DAB1: variants seen among roughly 807,000 people sequenced by gnomAD.
DAB1 encodes the protein disabled homolog 1.
A neutral mutation model predicts 64.6 loss-of-function variants in DAB1; 15 were observed. The observed-to-expected ratio is 0.23, with a 90% CI of 0.16 to 0.36. The LOEUF (loss-of-function observed/expected upper bound fraction) is 0.36, where lower values mean the gene tolerates loss of function less well. Among genes scored for constraint, DAB1 ranks in the 10% least tolerant of loss-of-function variants. DAB1 has a pLI of 1.00. For synonymous variants in DAB1, 235 were observed against 251.9 expected, an observed-to-expected ratio of 0.93 and a Z score of 0.64; for missense variants, 596 against 706.7, an observed-to-expected ratio of 0.84 and a Z score of 1.78.
At chr1:57,185,556 T>C (rs1458016832) in intron 2 of DAB1, among the ~76,000 whole-genome samples, 2 of 151,926 alleles carry the variant, frequency 1.3e-5, no homozygotes, top group Admixed American at 1.3e-4. Context: ...ACAGGCAACC[T>C]CACGCATAGA....
chr1:57,556,795 TA>T (rs1475690865), intron 7 of DAB1, among the ~76,000 whole-genome samples: 1 of 152,220 alleles, frequency 6.6e-6, no homozygotes, highest in Non-Finnish European at 1.5e-5. Context: ...TTAACTCCCA[TA>T]TATTTATCCT....
chr1:58,394,455 G>A (rs772989870), intron 3 of DAB1, among the ~76,000 whole-genome samples: 4 of 152,134 alleles, frequency 2.6e-5, no homozygotes, highest in African/African-American at 7.2e-5. Context: ...CCAAAAAGTG[G>A]AAACAATCCA....
chr1:58,221,741 A>G (rs1292033842), intron 4 of DAB1, among the ~76,000 whole-genome samples: 1 of 152,218 alleles, frequency 6.6e-6, no homozygotes, highest in African/African-American at 2.4e-5. Context: ...GGAGCTATGC[A>G]AATGCAACAT....
intron 4 of DAB1, among the ~76,000 whole-genome samples, chr1:58,155,925 T>C (rs561621735): frequency 1.8e-4 from 27 of 152,256 alleles, no homozygotes; most frequent in Non-Finnish European, 2.5e-4. Flanking sequence ...TGCCTCCCAA[T>C]AGTGAAATCT....
chr1:57,950,405 C>A (rs1046403761), intron 5 of DAB1, among the ~76,000 whole-genome samples: 1 of 152,148 alleles, frequency 6.6e-6, no homozygotes, highest in Non-Finnish European at 1.5e-5. Context: ...TATATTTCAT[C>A]ATTTCTCATC....
intron 5 of DAB1, among the ~76,000 whole-genome samples, chr1:58,118,471 T>C (rs1190972256): frequency 3.9e-5 from 2 of 51,840 alleles, no homozygotes; most frequent in Admixed American, 2.8e-4. Context: ...TCCTAAGGCA[T>C]ATATATATAT....
intron 5 of DAB1, among the ~76,000 whole-genome samples, chr1:57,934,974 T>C (rs1645005447): frequency 6.6e-6 from 1 of 152,252 alleles, no homozygotes; most frequent in South Asian, 2.1e-4. Context: ...AAGCCATTTC[T>C]GGCTGTTTCA....
chr1:58,044,320 G>A (rs1392484422), intron 5 of DAB1, among the ~76,000 whole-genome samples: 3 of 152,052 alleles, frequency 2.0e-5, no homozygotes, highest in African/African-American at 7.2e-5. Context: ...GGTGACCCTG[G>A]TCTCTGGGAT....
At chr1:57,936,797 T>G (rs1645032669) in intron 5 of DAB1, among the ~76,000 whole-genome samples, 2 of 152,196 alleles carry the variant, frequency 1.3e-5, no homozygotes, top group Admixed American at 1.3e-4. Context: ...CCAATCACTC[T>G]TATAATTAAA....
At chr1:58,276,883 G>A (rs1359669179) in intron 4 of DAB1, among the ~76,000 whole-genome samples, 1 of 151,894 alleles carries the variant, frequency 6.6e-6, no homozygotes, top group Non-Finnish European at 1.5e-5. Flanking sequence ...TTGATGAAGG[G>A]GAGTGTTATG....
intron 3 of DAB1, among the ~76,000 whole-genome samples, chr1:58,352,770 G>T (rs1644071133): frequency 6.6e-6 from 1 of 152,030 alleles, no homozygotes; most frequent in South Asian, 2.1e-4. Flanking sequence ...CCTTTGAGAG[G>T]TGATGAGATC....
intron 14 of DAB1, among the ~76,000 whole-genome samples, chr1:57,007,614 G>T (rs114702381): frequency 1.3e-5 from 2 of 152,154 alleles, no homozygotes; most frequent in African/African-American, 4.8e-5. Context: ...GATTGAGTCC[G>T]TCTGTTTCCT....
At chr1:57,147,034 CTTTT>C (rs71681386) in intron 2 of DAB1, among the ~76,000 whole-genome samples, 2 of 143,558 alleles carry the variant, frequency 1.4e-5, no homozygotes, top group African/African-American at 5.2e-5. Context: ...CACTGTTTTT[CTTTT>C]TTTTTTTTTT....
intron 4 of DAB1, among the ~76,000 whole-genome samples, chr1:58,341,140 T>G (rs1643927594): frequency 6.6e-6 from 1 of 152,132 alleles, no homozygotes; most frequent in South Asian, 2.1e-4. Context: ...CAAAAAATAA[T>G]TAAGAATTGA....
chr1:57,908,509 C>T (rs558888494), intron 5 of DAB1, among the ~76,000 whole-genome samples: 1 of 152,310 alleles, frequency 6.6e-6, no homozygotes, highest in East Asian at 1.9e-4. Context: ...TCCTCTCCTC[C>T]AGCAATTACT....
intron 2 of DAB1, among the ~76,000 whole-genome samples, chr1:57,280,517 C>A (rs962062747): frequency 6.6e-6 from 1 of 152,176 alleles, no homozygotes; most frequent in Non-Finnish European, 1.5e-5. Flanking sequence ...ATATACGTAA[C>A]CAGACTCACA....
In DAB1 at chr1:57,226,663, TAA is replaced by T. The variant is rs71713506; in HGVS notation, c.67+64299_67+64300del. ...TCAGATCCTGTCACTCAAAAGTGGTTAAAAAAAAAATATATATATATATATAT... is the reference window on the plus strand; with the variant it reads ...TCAGATCCTGTCACTCAAAAGTGGTTAAAAAAAATATATATATATATATAT... On this transcript the variant is annotated intron_variant, in intron 2 of 14. Coordinates refer to ENST00000371236, the MANE Select transcript of DAB1 (RefSeq NM_001365792.1). 4.0e-4 allele frequency among the ~76,000 whole-genome samples: 48 copies of T among 120,966 alleles called. No homozygotes were observed. In the East Asian group the frequency reaches 4.9e-3, roughly 12 times the overall value. The allele number at this position is 120,966 out of a possible 152,430, so 79.4% of individuals were successfully genotyped here.
intron 7 of DAB1, among the ~76,000 whole-genome samples, chr1:57,626,577 A>T (rs1048116378): frequency 6.6e-6 from 1 of 152,150 alleles, no homozygotes; most frequent in African/African-American, 2.4e-5. Flanking sequence ...GTCTTAGTGT[A>T]TTTGGGCTGC....
intron 6 of DAB1, among the ~76,000 whole-genome samples, chr1:57,743,380 T>A (rs1482848356): frequency 6.6e-6 from 1 of 152,190 alleles, no homozygotes; most frequent in Non-Finnish European, 1.5e-5. Context: ...GATCCACCCC[T>A]GCCTGCAAAA....
Sources: gnomAD v4.1 joint callset for allele counts (sites outside exome capture counted in the v4.1 genomes callset) on GRCh38, gnomAD v4.1.1 for gene constraint, MANE v1.5 for transcripts, NCBI Gene and HGNC (gene_info 2026-07-23, HGNC 2026-07-21) for gene names.